The following KLKB1 variants were observed in gnomAD, a reference collection of about 807,000 sequenced individuals.
The protein encoded by KLKB1 is plasma kallikrein.
In KLKB1, 58 loss-of-function variants were observed where a neutral mutation model predicts 73.6. The observed-to-expected ratio is 0.79, with a 90% CI of 0.64 to 0.98. The LOEUF (loss-of-function observed/expected upper bound fraction) is 0.98, where lower values mean the gene tolerates loss of function less well. Ranked by LOEUF, KLKB1 falls within the 50% of genes least tolerant of loss-of-function variation. KLKB1 has a pLI of 0.00. For missense variants in KLKB1, 737 were observed against 763.8 expected, an observed-to-expected ratio of 0.96 and a Z score of 0.41; for synonymous variants, 280 against 258.1, an observed-to-expected ratio of 1.08 and a Z score of -0.81.
chr4:186,232,828 A>ATGGTG (rs1561450281), intron 3 of KLKB1, among the ~76,000 whole-genome samples: 2 of 152,100 alleles, frequency 1.3e-5, no homozygotes, highest in African/African-American at 4.8e-5. Context: ...GATGCTATGT[A>ATGGTG]TGGTGTGTGT....
Position 186,257,367 on chromosome 4 carries a change from T to C in KLKB1, c.1725+2T>C. The stretch of plus-strand genomic sequence containing the variant: ...GAAGGGGGAAAAGATGCTTGTAAGG[T>C]AACTCATGAGATTATGAAAAACACA... On this transcript the variant is annotated splice_donor_variant, in intron 14 of 14. Coordinates refer to ENST00000264690, the MANE Select transcript of KLKB1 (RefSeq NM_000892.5). LOFTEE classifies it high-confidence loss of function. 6.3e-7 allele frequency: 1 copy of C among 1,579,466 alleles called. No individual in the cohort carries two copies. The highest frequency in any genetic ancestry group is 1.2e-5 in the South Asian group (1 of 83,934).
At chr4:186,230,425 A>G (rs182255489) in intron 2 of KLKB1, among the ~76,000 whole-genome samples, 11 of 152,266 alleles carry the variant, frequency 7.2e-5, no homozygotes, top group Non-Finnish European at 1.6e-4. Flanking sequence ...TGTTTGTGGA[A>G]TTGTTAAACA....
intron 6 of KLKB1, among the ~76,000 whole-genome samples, chr4:186,246,570 G>A (rs200539844): frequency 0.013 from 1,500 of 113,116 alleles, no homozygotes; most frequent in African/African-American, 0.015. Flanking sequence ...AAGAAAATAA[G>A]GCATTTAGGT....
intron 6 of KLKB1, among the ~76,000 whole-genome samples, chr4:186,242,441 C>T (rs942514256): frequency 2.6e-5 from 4 of 151,934 alleles, no homozygotes; most frequent in African/African-American, 7.3e-5. Context: ...AGGGCTGCTT[C>T]GAGCGGGATT....
At position 186,243,220 on chromosome 4, in the gene KLKB1, A is replaced by AT. The variant is rs761349140; in HGVS notation, c.598+4861dup. The stretch of plus-strand genomic sequence containing the variant: ...GTAGCAGATGGAACACTGAGCAGTT[A>AT]TTTTTTGAGGATAGATTTTTACGAC... On this transcript the variant is annotated intron_variant, in intron 6 of 14. Coordinates refer to ENST00000264690, the MANE Select transcript of KLKB1 (RefSeq NM_000892.5). 1.2e-3 allele frequency among the ~76,000 whole-genome samples: 178 copies of AT among 152,242 alleles called. 1 individual carries two copies. Among genetic ancestry groups the AT allele is most frequent in the Admixed American group, 2.0e-3 (31 of 15,286 alleles).
intron 6 of KLKB1, among the ~76,000 whole-genome samples, chr4:186,241,620 T>C (rs1738054819): frequency 6.6e-6 from 1 of 152,346 alleles, no homozygotes; most frequent in South Asian, 2.1e-4. Context: ...ACCATGTGAC[T>C]TATTAATTTA....
At chr4:186,232,389 G>T in intron 3 of KLKB1, 100 bp downstream of exon 3, 1 of 1,132,446 alleles carries the variant, frequency 8.8e-7, no homozygotes, top group African/African-American at 1.5e-5. Context: ...CCTCACACGG[G>T]GTTCAAGGAC....
At chr4:186,248,274 A>T (rs1426096052) in intron 6 of KLKB1, among the ~76,000 whole-genome samples, 1 of 151,448 alleles carries the variant, frequency 6.6e-6, no homozygotes, top group East Asian at 1.9e-4. Flanking sequence ...AATAAAATAA[A>T]AAAAAAAAAG....
chr4:186,238,230 A>G (rs1330052861), intron 5 of KLKB1, 26 bp from the exon 6 acceptor site: 1 of 1,499,468 alleles, frequency 6.7e-7, no homozygotes, highest in South Asian at 1.1e-5. Context: ...GCAGAAAGCA[A>G]AGTAACCTCT....
intron 5 of KLKB1, among the ~76,000 whole-genome samples, chr4:186,237,247 C>T (rs545876835): frequency 1.4e-4 from 22 of 152,000 alleles, no homozygotes; most frequent in South Asian, 1.0e-3. Context: ...TACAGGCGTC[C>T]GCCACCATGC....
At position 186,258,024 on chromosome 4, in the gene KLKB1, G is replaced by A; in HGVS notation, c.1729G>A (p.Asp577Asn). The A allele has an allele frequency of 6.2e-7, 1 of 1,613,866 alleles. No individual in the cohort carries two copies. The highest frequency in any genetic ancestry group is 8.5e-7 in the Non-Finnish European group (1 of 1,179,746). Residue 577 changes from aspartate to asparagine, a missense_variant, in exon 15 of 15, where the codon GAT (aspartate) becomes AAT (asparagine). Coordinates refer to ENST00000264690, the MANE Select transcript of KLKB1 (RefSeq NM_000892.5). ...TTATTTTTCCACTGTGACTCAGGGA[G>A]ATTCAGGTGGTCCCTTAGTTTGCAA... ...KEGGKDACKG[D>N]SGGPLVCKHN...
Position 186,242,986 on chromosome 4 carries a change from G to C in KLKB1, c.598+4621G>C, listed in dbSNP as rs533879974. 2.7e-5 allele frequency among the ~76,000 whole-genome samples: 4 copies of C among 149,958 alleles called. No homozygotes were observed. The South Asian group carries it at 8.4e-4, about 31-fold the overall frequency. Reference sequence around the variant, plus strand: ...CTGAGGAATTATGTCTGACAGAAGGGAAGAAATGACCACGGTGGCCTTCTC... The same window carrying C: ...CTGAGGAATTATGTCTGACAGAAGGCAAGAAATGACCACGGTGGCCTTCTC... On this transcript the variant is annotated intron_variant, in intron 6 of 14. Coordinates refer to ENST00000264690, the MANE Select transcript of KLKB1 (RefSeq NM_000892.5).
chr4:186,213,732 A>T (rs1029782722), intron 2 of KLKB1, among the ~76,000 whole-genome samples: 3 of 152,172 alleles, frequency 2.0e-5, no homozygotes, highest in African/African-American at 7.2e-5. Flanking sequence ...ACAGCTGGGG[A>T]TATCAGTTTC....
At chr4:186,213,356 T>C (rs1736789630) in intron 2 of KLKB1, 1 of 152,252 alleles carries the variant, frequency 6.6e-6, no homozygotes, top group Non-Finnish European at 1.5e-5. Flanking sequence ...GGTACTGCAT[T>C]TTATTCTAAG....
chr4:186,257,253 T>C lies in KLKB1; in HGVS notation c.1613T>C (p.Val538Ala). 1 of 1,595,172 alleles carries C rather than the reference T, an allele frequency of 6.3e-7. No individual in the cohort carries two copies. The highest frequency in any genetic ancestry group is 8.6e-7 in the Non-Finnish European group (1 of 1,167,476). The change falls in exon 14 of 15, where the codon GTA (valine) becomes GCA (alanine). Residue 538 changes from valine to alanine, a missense_variant. Val to Ala is a moderately conservative substitution (Grantham distance 64). Coordinates refer to ENST00000264690, the MANE Select transcript of KLKB1 (RefSeq NM_000892.5). ...KGEIQNILQK[V>A]NIPLVTNEEC... Reference sequence around the variant, plus strand: ...GAAATCCAAAATATTCTACAAAAGGTAAATATTCCTTTGGTAACAAATGAA... The same window carrying C: ...GAAATCCAAAATATTCTACAAAAGGCAAATATTCCTTTGGTAACAAATGAA...
At chr4:186,219,474 C>T (rs1041641727) in intron 2 of KLKB1, among the ~76,000 whole-genome samples, 2 of 152,054 alleles carry the variant, frequency 1.3e-5, no homozygotes, top group African/African-American at 4.8e-5. Context: ...CATTTAAATG[C>T]TGATTTGAAG....
In KLKB1 at chr4:186,216,217, A is replaced by T. The variant is rs78194726; in HGVS notation, c.201+6945A>T. Among the ~76,000 whole-genome samples the T allele has an allele frequency of 9.2e-3, 1,401 of 152,332 alleles. 23 individuals carry two copies. The highest frequency in any genetic ancestry group is 0.032 in the African/African-American group (1,329 of 41,574). On this transcript the variant is annotated intron_variant, in intron 2 of 14. Transcript: ENST00000511608. ...GTCCTCAATCTCTTGTTTTTAAAAG[A>T]TATTTCATTCCTTATTCATGTGCTT... is the stretch of plus-strand genomic sequence containing the variant.
intron 6 of KLKB1, among the ~76,000 whole-genome samples, chr4:186,240,729 G>A (rs542525597): frequency 1.3e-5 from 2 of 152,170 alleles, no homozygotes; most frequent in African/African-American, 2.4e-5. Flanking sequence ...TCCTCTTTGC[G>A]ACAGCACACC....
chr4:186,232,581 T>C (rs1448126576), intron 3 of KLKB1, among the ~76,000 whole-genome samples: 1 of 152,214 alleles, frequency 6.6e-6, no homozygotes, highest in Admixed American at 6.5e-5. Flanking sequence ...TTGAATATCA[T>C]TGGGCTAAGG....
Sources: gnomAD v4.1 joint callset for allele counts (sites outside exome capture counted in the v4.1 genomes callset) on GRCh38, gnomAD v4.1.1 for gene constraint, MANE v1.5 for transcripts, NCBI Gene and HGNC (gene_info 2026-07-23, HGNC 2026-07-21) for gene names.